The following GRM1 variants were observed in gnomAD, a reference collection of about 807,000 sequenced individuals.
GRM1 encodes the protein metabotropic glutamate receptor 1.
Under a neutral mutation model 90.9 loss-of-function variants are expected in GRM1, and 33 were observed. The ratio of observed to expected loss-of-function variants is 0.36; its 90% CI spans 0.28 to 0.49. The LOEUF (loss-of-function observed/expected upper bound fraction) is 0.49, where lower values mean the gene tolerates loss of function less well. GRM1 is among the 20% of genes least tolerant of loss of function. GRM1 has a pLI of 0.99. For synonymous variants in GRM1, 700 were observed against 613.2 expected, an observed-to-expected ratio of 1.14 and a Z score of -2.09; for missense variants, 1,190 against 1,534.3, an observed-to-expected ratio of 0.78 and a Z score of 3.75.
At chr6:146,146,288 C>T (rs957523027) in intron 1 of GRM1, among the ~76,000 whole-genome samples, 3 of 151,524 alleles carry the variant, frequency 2.0e-5, no homozygotes, top group East Asian at 1.9e-4. Context: ...GGGATTTCAC[C>T]GTGTTAGCCA....
At chr6:146,143,713 G>T (rs1055380606) in intron 1 of GRM1, among the ~76,000 whole-genome samples, 4 of 152,042 alleles carry the variant, frequency 2.6e-5, no homozygotes, top group Admixed American at 2.6e-4. Context: ...AAAGAAAAAA[G>T]CTGTTGAAAA....
chr6:146,186,490 A>C (rs1163367649), intron 2 of GRM1, among the ~76,000 whole-genome samples: 3 of 152,178 alleles, frequency 2.0e-5, no homozygotes, highest in Non-Finnish European at 4.4e-5. Context: ...TGCCAAATGC[A>C]GCCAATAGCT....
intron 2 of GRM1, among the ~76,000 whole-genome samples, chr6:146,187,359 TAC>T (rs1462709968): frequency 6.6e-6 from 1 of 152,156 alleles, no homozygotes; most frequent in Non-Finnish European, 1.5e-5. Flanking sequence ...TACTTGCTAA[TAC>T]AGACAGAAGG....
chr6:146,252,497 C>A (rs149600223), intron 2 of GRM1, among the ~76,000 whole-genome samples: 1 of 152,012 alleles, frequency 6.6e-6, no homozygotes, highest in African/African-American at 2.4e-5. Flanking sequence ...ATTAGCCAGG[C>A]ATGGTGGTGG....
In GRM1 at chr6:146,352,392, G is replaced by A. The variant is rs1419397226; in HGVS notation, c.1329G>A (p.Lys443=). ...PGHVGLCDAM[K]PIDGSKLLDF... The stretch of plus-strand genomic sequence containing the variant: ...ACGTGGGCCTCTGCGATGCCATGAA[G>A]CCCATCGACGGCAGCAAGCTGCTGG... Residue 443 remains lysine, a synonymous_variant, in exon 4 of 8, where the codon AAG becomes AAA. Transcript: ENST00000282753. 1 of 1,614,152 alleles carries A rather than the reference G, an allele frequency of 6.2e-7. No homozygotes were observed. Among genetic ancestry groups the A allele is most frequent in the Non-Finnish European group, 8.5e-7 (1 of 1,179,974 alleles).
chr6:146,187,574 T>C (rs770612009), intron 2 of GRM1, among the ~76,000 whole-genome samples: 24 of 152,032 alleles, frequency 1.6e-4, no homozygotes, highest in Non-Finnish European at 3.2e-4. Flanking sequence ...TTTTGAATGA[T>C]CTATGGTACC....
chr6:146,408,386 T>A lies in GRM1; in HGVS notation c.2660+8687T>A, dbSNP rs151221214. Among the ~76,000 whole-genome samples the A allele has an allele frequency of 8.5e-5, 13 of 152,286 alleles. No individual in the cohort carries two copies. The East Asian group carries it at 2.5e-3, about 29-fold the overall frequency. On this transcript the variant is annotated intron_variant, in intron 7 of 7. Coordinates refer to ENST00000282753, the MANE Select transcript of GRM1 (RefSeq NM_001278064.2). ...TAGTCCTTGGGCAAATTGCTTAACTTCTATGTGTTTCAGTTATAAAAATGG... is the reference window on the plus strand; with the variant it reads ...TAGTCCTTGGGCAAATTGCTTAACTACTATGTGTTTCAGTTATAAAAATGG...
intron 2 of GRM1, among the ~76,000 whole-genome samples, chr6:146,181,141 T>G (rs1050482176): frequency 1.3e-5 from 2 of 151,946 alleles, no homozygotes; most frequent in Non-Finnish European, 2.9e-5. Flanking sequence ...GCAGTGCCCA[T>G]GGATAACATG....
chr6:146,258,832 C>T (rs541709861), intron 2 of GRM1, among the ~76,000 whole-genome samples: 32 of 152,290 alleles, frequency 2.1e-4, no homozygotes, highest in African/African-American at 7.7e-4. Context: ...GACCTTAATA[C>T]ATGCAAGACA....
chr6:146,047,602 G>A (rs1006234630), intron 1 of GRM1, among the ~76,000 whole-genome samples: 1 of 149,150 alleles, frequency 6.7e-6, no homozygotes, highest in Non-Finnish European at 1.5e-5. Flanking sequence ...CCTGCCAGGA[G>A]CAACGCCTTC....
At chr6:146,030,285 T>A in intron 1 of GRM1, 68 bp downstream of exon 1, 1 of 1,079,116 alleles carries the variant, frequency 9.3e-7, no homozygotes, top group Non-Finnish European at 1.4e-6. Context: ...GCTCCTGGGA[T>A]CATAGTATTG....
At chr6:146,374,337 A>G (rs1408814129) in intron 5 of GRM1, among the ~76,000 whole-genome samples, 1 of 151,850 alleles carries the variant, frequency 6.6e-6, no homozygotes, top group African/African-American at 2.4e-5. Context: ...TACTTTTTTG[A>G]TGTATCTTTA....
intron 1 of GRM1, among the ~76,000 whole-genome samples, chr6:146,033,911 C>T (rs572638600): frequency 2.0e-5 from 3 of 152,108 alleles, no homozygotes; most frequent in African/African-American, 7.2e-5. Flanking sequence ...TATCATATTT[C>T]CTATCTATGT....
intron 7 of GRM1, among the ~76,000 whole-genome samples, chr6:146,421,566 G>A (rs537495149): frequency 4.0e-4 from 61 of 152,076 alleles, no homozygotes; most frequent in African/African-American, 1.4e-3. Context: ...AATATACAGA[G>A]GGCTTCAAAC....
intron 1 of GRM1, among the ~76,000 whole-genome samples, chr6:146,061,822 G>A (rs751361212): frequency 2.0e-5 from 3 of 152,100 alleles, no homozygotes; most frequent in South Asian, 2.1e-4. Flanking sequence ...TTAGAATGGC[G>A]ATCATTAAAA....
chr6:146,063,007 C>T (rs779636479), intron 1 of GRM1, among the ~76,000 whole-genome samples: 12 of 151,960 alleles, frequency 7.9e-5, no homozygotes, highest in Non-Finnish European at 1.6e-4. Context: ...CTTTTTCCTT[C>T]GCATTCATCT....
Position 146,434,748 on chromosome 6 carries a change from C to T in GRM1, c.3537C>T (p.Tyr1179=), listed in dbSNP as rs1778541867. The stretch of plus-strand genomic sequence containing the variant: ...TCTGCACCCCTCCCAACGTATCCTA[C>T]GCCTCTGTCATTCTGCGGGACTACA... The part of the protein sequence containing the change: ...SVLCTPPNVS[Y]ASVILRDYKQ... Residue 1179 remains tyrosine (Y), a synonymous_variant, in exon 8 of 8, where the codon TAC becomes TAT. Transcript: ENST00000282753. 6.2e-7 allele frequency: 1 copy of T among 1,600,342 alleles called. No homozygotes were observed. The highest frequency in any genetic ancestry group is 1.1e-5 in the South Asian group (1 of 91,086).
intron 1 of GRM1, among the ~76,000 whole-genome samples, chr6:146,044,824 A>G (rs1447217945): frequency 6.6e-6 from 1 of 151,978 alleles, no homozygotes; most frequent in African/African-American, 2.4e-5. Flanking sequence ...TAATTTTTTG[A>G]AGTGCTTATA....
At chr6:146,066,910 A>T (rs1426806238) in intron 1 of GRM1, among the ~76,000 whole-genome samples, 1 of 152,140 alleles carries the variant, frequency 6.6e-6, no homozygotes, top group Non-Finnish European at 1.5e-5. Flanking sequence ...GTTGTATGAT[A>T]CTCAATCTTC....
Sources: allele counts gnomAD v4.1 joint callset (sites outside exome capture counted in the v4.1 genomes callset), GRCh38; gene constraint gnomAD v4.1.1; transcripts MANE v1.5; gene names NCBI Gene and HGNC (gene_info 2026-07-23, HGNC 2026-07-21).